Variants in NECTIN2 observed in about 807,000 individuals in gnomAD.
The protein encoded by NECTIN2 is nectin-2.
Under a neutral mutation model 56.9 loss-of-function variants are expected in NECTIN2, and 23 were observed. The ratio of observed to expected loss-of-function variants is 0.40; its 90% CI spans 0.29 to 0.57. The LOEUF (loss-of-function observed/expected upper bound fraction) is 0.57. Among genes scored for constraint, NECTIN2 ranks in the 20% least tolerant of loss-of-function variants. The pLI, the probability that NECTIN2 is intolerant of heterozygous loss-of-function variation, is 0.38. For synonymous variants in NECTIN2, 302 were observed against 313.8 expected, an observed-to-expected ratio of 0.96 and a Z score of 0.40; for missense variants, 587 against 718.3, an observed-to-expected ratio of 0.82 and a Z score of 2.09.
At chr19:44,848,205 G>T (rs1201765640) in intron 1 of NECTIN2, among the ~76,000 whole-genome samples, 1 of 152,164 alleles carries the variant, frequency 6.6e-6, no homozygotes, top group African/African-American at 2.4e-5. Flanking sequence ...ATAGGCAGAT[G>T]AGATCAGAAC....
chr19:44,877,462 C>A (rs1175235632), intron 5 of NECTIN2, among the ~76,000 whole-genome samples: 2 of 152,196 alleles, frequency 1.3e-5, no homozygotes, highest in Non-Finnish European at 2.9e-5. Context: ...ACCTGCTCAG[C>A]CCCTGCAGGG....
chr19:44,886,061 G>A (rs898627800), intron 7 of NECTIN2, 61 bp downstream of exon 7: 3 of 1,570,652 alleles, frequency 1.9e-6, no homozygotes, highest in Admixed American at 3.3e-5. Context: ...AGGGCTGGGA[G>A]GGGCCTGGCA....
At position 44,889,023 on chromosome 19, in the gene NECTIN2, A is replaced by C. The variant is rs967669199; in HGVS notation, c.*644A>C. ...TAGGGTCAGACAGGGTGAGCCTCAT[A>C]CAGACTGTGCCTTGATGGCCCCAGC... On this transcript the variant is annotated 3_prime_UTR_variant, in exon 9 of 9. Coordinates refer to ENST00000252483, the MANE Select transcript of NECTIN2 (RefSeq NM_001042724.2). 1 of 152,318 alleles carries C rather than the reference A, an allele frequency of 6.6e-6. No individual in the cohort carries two copies. The highest frequency in any genetic ancestry group is 2.4e-5 in the African/African-American group (1 of 41,332). 9.4% of individuals were successfully genotyped at this position (152,318 alleles called of 1,614,324 possible).
chr19:44,848,148 G>T (rs775651169), intron 1 of NECTIN2, among the ~76,000 whole-genome samples: 3 of 152,136 alleles, frequency 2.0e-5, no homozygotes, highest in Non-Finnish European at 4.4e-5. Flanking sequence ...CTTTGACCCA[G>T]AGCTGGGAAC....
chr19:44,883,377 C>T (rs147636938), intron 6 of NECTIN2, among the ~76,000 whole-genome samples: 3,397 of 152,240 alleles, frequency 0.022, 41 homozygotes, highest in African/African-American at 0.026. Flanking sequence ...CTGGTTCAAG[C>T]GATTCTCCAG....
intron 1 of NECTIN2, among the ~76,000 whole-genome samples, chr19:44,851,560 A>G (rs1173680699): frequency 1.3e-5 from 2 of 151,770 alleles, no homozygotes; most frequent in African/African-American, 4.8e-5. Flanking sequence ...GTCTGTCCCC[A>G]TTGTTCTCCC....
intron 1 of NECTIN2, among the ~76,000 whole-genome samples, chr19:44,854,979 G>A (rs1243883066): frequency 3.3e-5 from 5 of 150,030 alleles, no homozygotes; most frequent in Admixed American, 6.7e-5. Flanking sequence ...TTAGCCGGGC[G>A]TCGTGGCGGG....
intron 2 of NECTIN2, among the ~76,000 whole-genome samples, chr19:44,871,068 GT>G (rs1451110789): frequency 2.0e-5 from 3 of 152,232 alleles, no homozygotes; most frequent in African/African-American, 7.2e-5. Context: ...TTTTCACCAT[GT>G]TGGCCAGACT....
chr19:44,858,862 C>T (rs1341951325), intron 1 of NECTIN2, among the ~76,000 whole-genome samples: 1 of 151,160 alleles, frequency 6.6e-6, no homozygotes, highest in Non-Finnish European at 1.5e-5. Context: ...AGTCTGGTCT[C>T]AAACTCCTGG....
Position 44,846,584 on chromosome 19 carries a change from C to CGCT in NECTIN2, c.75_77dup (p.Leu27dup), listed in dbSNP as rs551542896. The CGCT allele has an allele frequency of 1.6e-3, 2,498 of 1,524,444 alleles. 6 individuals are homozygous for CGCT. The highest frequency in any genetic ancestry group is 0.014 in the Middle Eastern group (72 of 5,242). 94.4% of individuals were successfully genotyped at this position (1,524,444 alleles called of 1,614,324 possible). A position where few individuals can be genotyped will look rare whatever the true frequency, so the allele number is the denominator to read the frequency against. On this transcript the variant is annotated inframe_insertion, in exon 1 of 9. Transcript: ENST00000252483. ...TCGCCGCCGACGCCGCTGCTGTGGC[C>CGCT]GCTGCTGCTGCTGCTGCTCCTGGAA... is the stretch of plus-strand genomic sequence containing the variant.
At chr19:44,857,836 G>A (rs1472162392) in intron 1 of NECTIN2, among the ~76,000 whole-genome samples, 2 of 151,468 alleles carry the variant, frequency 1.3e-5, no homozygotes, top group Admixed American at 6.6e-5. Flanking sequence ...ATGAGCCAAC[G>A]CACCCAGTCT....
chr19:44,865,268 C>T lies in NECTIN2; in HGVS notation c.89-3C>T. ...TACTTCACTCTCTGTCCTCTCTGCCCAGGAGCCCAGGATGTGCGAGTTCAA... is the reference window on the plus strand; with the variant it reads ...TACTTCACTCTCTGTCCTCTCTGCCTAGGAGCCCAGGATGTGCGAGTTCAA... On this transcript the variant is annotated splice_region_variant and splice_polypyrimidine_tract_variant and intron_variant, in intron 1 of 8. Transcript: ENST00000252483. The surrounding 1 kb of genome is among the most constrained non-coding windows in gnomAD (Gnocchi z 5.2). The T allele has an allele frequency of 4.4e-6, 7 of 1,605,602 alleles. No homozygotes were observed. Among genetic ancestry groups the T allele is most frequent in the Non-Finnish European group, 6.0e-6 (7 of 1,174,578 alleles).
At chr19:44,859,638 A>G (rs1346161998) in intron 1 of NECTIN2, among the ~76,000 whole-genome samples, 1 of 152,188 alleles carries the variant, frequency 6.6e-6, no homozygotes, top group African/African-American at 2.4e-5. Context: ...AGCCTGACCA[A>G]CATGGTGAAC....
intron 1 of NECTIN2, among the ~76,000 whole-genome samples, chr19:44,849,688 A>G (rs895612150): frequency 2.0e-5 from 3 of 152,176 alleles, no homozygotes; most frequent in African/African-American, 7.2e-5. Context: ...AGACAGAAAC[A>G]GAGACGTAGA....
At chr19:44,887,015 CA>C (rs113580794) in intron 8 of NECTIN2, among the ~76,000 whole-genome samples, 3,187 of 115,540 alleles carry the variant, frequency 0.028, 76 homozygotes, top group African/African-American at 0.08. Flanking sequence ...GACCCTATCT[CA>C]AAAAAAAAAA....
chr19:44,869,156 T>G (rs1216673277), intron 2 of NECTIN2, among the ~76,000 whole-genome samples: 1 of 151,822 alleles, frequency 6.6e-6, no homozygotes, highest in Non-Finnish European at 1.5e-5. Flanking sequence ...TCTCTTCTTG[T>G]GCAATCATTT....
intron 1 of NECTIN2, among the ~76,000 whole-genome samples, chr19:44,859,495 G>A (rs146827287): frequency 6.6e-6 from 1 of 152,152 alleles, no homozygotes; most frequent in Admixed American, 6.6e-5. Flanking sequence ...GCACAGCAGA[G>A]GAAGATTTGT....
At chr19:44,862,393 CAA>C (rs1017880019) in intron 1 of NECTIN2, among the ~76,000 whole-genome samples, 3 of 140,162 alleles carry the variant, frequency 2.1e-5, no homozygotes, top group Non-Finnish European at 4.6e-5. Flanking sequence ...CAGGCCTGGG[CAA>C]AAGAGTGAGA....
chr19:44,852,372 G>T (rs1235830431), intron 1 of NECTIN2, among the ~76,000 whole-genome samples: 1 of 151,818 alleles, frequency 6.6e-6, no homozygotes, highest in Non-Finnish European at 1.5e-5. Context: ...CTGGTCTCCT[G>T]AGCTCAGGTG....
Sources: allele counts gnomAD v4.1 joint callset (sites outside exome capture counted in the v4.1 genomes callset), GRCh38; gene constraint gnomAD v4.1.1; non-coding constraint Gnocchi (gnomAD v3.1); transcripts MANE v1.5; gene names NCBI Gene and HGNC (gene_info 2026-07-23, HGNC 2026-07-21).